CAMTA1: variants seen among roughly 807,000 people sequenced by gnomAD.
The protein encoded by CAMTA1 is calmodulin binding transcription activator 1, also known as calmodulin-binding transcription activator 1.
A neutral mutation model predicts 170.9 loss-of-function variants in CAMTA1; 27 were observed. The ratio of observed to expected loss-of-function variants is 0.16; its 90% CI spans 0.12 to 0.22. The LOEUF (loss-of-function observed/expected upper bound fraction) is 0.22. Among genes scored for constraint, CAMTA1 ranks in the 10% least tolerant of loss-of-function variants. The probability of loss-of-function intolerance (pLI) is 1.00; values close to 1 mark genes in which losing one functional copy is unlikely to be tolerated. For missense variants in CAMTA1, 1,619 were observed against 2,217.2 expected (o/e 0.73, Z 5.42); for synonymous variants, 833 against 891.5 (o/e 0.93, Z 1.17).
At chr1:7,009,048 C>T (rs2100747431) in intron 3 of CAMTA1, among the ~76,000 whole-genome samples, 2 of 152,360 alleles carry the variant, frequency 1.3e-5, no homozygotes, top group Middle Eastern at 3.4e-3. Context: ...AGCGGCCATG[C>T]CCAGCCATGC....
intron 6 of CAMTA1, among the ~76,000 whole-genome samples, chr1:7,487,771 C>T (rs1051170484): frequency 6.6e-6 from 1 of 152,228 alleles, no homozygotes; most frequent in Non-Finnish European, 1.5e-5. Flanking sequence ...GCATTCTTAT[C>T]GCCCCCCAGA....
At chr1:6,916,788 G>A (rs145546618) in intron 3 of CAMTA1, among the ~76,000 whole-genome samples, 2 of 152,300 alleles carry the variant, frequency 1.3e-5, no homozygotes, top group Non-Finnish European at 2.9e-5. Flanking sequence ...TTCACCCATT[G>A]AGCAGATAGA....
intron 6 of CAMTA1, among the ~76,000 whole-genome samples, chr1:7,481,958 T>C (rs2149634456): frequency 6.6e-6 from 1 of 152,202 alleles, no homozygotes; most frequent in South Asian, 2.1e-4. Flanking sequence ...CCCCAGAAAG[T>C]ACCCATGTGT....
At chr1:7,717,908 C>A (rs558364608) in intron 11 of CAMTA1, among the ~76,000 whole-genome samples, 2 of 152,020 alleles carry the variant, frequency 1.3e-5, no homozygotes, top group Non-Finnish European at 2.9e-5. Flanking sequence ...TGTGTATTTC[C>A]GATAGTTGAA....
At chr1:7,646,034 GCAGGTGAAGGCCC>G (rs1253261968) in intron 7 of CAMTA1, among the ~76,000 whole-genome samples, 77 of 152,172 alleles carry the variant, frequency 5.1e-4, no homozygotes, top group African/African-American at 1.8e-3. Flanking sequence ...CATAGTGAGT[GCAGGTGAAGGCCC>G]TGGTGAGTTT....
chr1:7,012,585 G>A (rs1383007735), intron 3 of CAMTA1, among the ~76,000 whole-genome samples: 5 of 152,192 alleles, frequency 3.3e-5, no homozygotes, highest in African/African-American at 9.6e-5. Context: ...CCACAGGGCT[G>A]AGTGCTGTGG....
chr1:7,711,892 A>G (rs979996132), intron 11 of CAMTA1, among the ~76,000 whole-genome samples: 7 of 152,218 alleles, frequency 4.6e-5, no homozygotes, highest in Admixed American at 4.6e-4. Context: ...AAAACAGTGC[A>G]ATAAATGGCA....
chr1:7,178,042 C>T (rs1651326283), intron 4 of CAMTA1, among the ~76,000 whole-genome samples: 1 of 152,136 alleles, frequency 6.6e-6, no homozygotes, highest in African/African-American at 2.4e-5. Context: ...TCATTCAATA[C>T]ATCAAAGTCC....
At chr1:6,937,393 A>G (rs1402729874) in intron 3 of CAMTA1, among the ~76,000 whole-genome samples, 1 of 2,596 alleles carries the variant, frequency 3.9e-4, no homozygotes, top group Admixed American at 2.8e-3. Context: ...TACCACCACT[A>G]TCATCACCAT....
intron 3 of CAMTA1, among the ~76,000 whole-genome samples, chr1:6,858,097 GAAGA>G (rs894556131): frequency 6.6e-6 from 1 of 152,240 alleles, no homozygotes; most frequent in Non-Finnish European, 1.5e-5. Context: ...GTGGGATACT[GAAGA>G]AAGAAAGATA....
chr1:7,617,594 C>T (rs983715392), intron 6 of CAMTA1, among the ~76,000 whole-genome samples: 3 of 152,108 alleles, frequency 2.0e-5, no homozygotes, highest in Non-Finnish European at 4.4e-5. Context: ...AGCCCCTTTC[C>T]CTGCTAAGCA....
At chr1:7,498,047 A>G (rs2093859538) in intron 6 of CAMTA1, among the ~76,000 whole-genome samples, 1 of 151,232 alleles carries the variant, frequency 6.6e-6, no homozygotes. Flanking sequence ...GAGAGTCCTT[A>G]TGGAAAGAGG....
chr1:7,100,437 C>G (rs1330445617), intron 4 of CAMTA1, among the ~76,000 whole-genome samples: 1 of 152,170 alleles, frequency 6.6e-6, no homozygotes, highest in African/African-American at 2.4e-5. Flanking sequence ...CCCTTGTTTT[C>G]TCATTCTTCC....
intron 6 of CAMTA1, among the ~76,000 whole-genome samples, chr1:7,595,162 C>T (rs796826172): frequency 7.9e-5 from 12 of 152,248 alleles, no homozygotes; most frequent in East Asian, 5.8e-4. Flanking sequence ...CAAAGGGGTG[C>T]GGTGCGCACT....
In CAMTA1 at chr1:7,300,698, A is replaced by G. The variant is rs1046771166; in HGVS notation, c.438+51072A>G. Among the ~76,000 whole-genome samples, 4 of 152,130 alleles carry G rather than the reference A, an allele frequency of 2.6e-5. No individual in the cohort carries two copies. Among genetic ancestry groups the G allele is most frequent in the African/African-American group, 9.7e-5 (4 of 41,420 alleles). On this transcript the variant is annotated intron_variant, in intron 5 of 22. Coordinates refer to ENST00000303635, the MANE Select transcript of CAMTA1 (RefSeq NM_015215.4). The surrounding 1 kb of genome is among the most constrained non-coding windows in gnomAD (Gnocchi z 4.1). ...TGTCTCAAAAAAAAAAAAATTGTATAGATATTGATTAAAGCAGAACCCTGA... is the reference window on the plus strand; with the variant it reads ...TGTCTCAAAAAAAAAAAAATTGTATGGATATTGATTAAAGCAGAACCCTGA...
At chr1:7,193,847 A>T (rs1312718738) in intron 4 of CAMTA1, among the ~76,000 whole-genome samples, 1 of 152,192 alleles carries the variant, frequency 6.6e-6, no homozygotes, top group Non-Finnish European at 1.5e-5. Context: ...ATTTTACAGA[A>T]GAGGCTGACG....
intron 5 of CAMTA1, among the ~76,000 whole-genome samples, chr1:7,344,509 G>A (rs911693007): frequency 2.0e-5 from 3 of 152,184 alleles, no homozygotes; most frequent in Non-Finnish European, 2.9e-5. Flanking sequence ...ATTTTTACAA[G>A]TTAACTCAAG....
intron 5 of CAMTA1, among the ~76,000 whole-genome samples, chr1:7,297,894 G>T (rs904346582): frequency 6.6e-6 from 1 of 152,132 alleles, no homozygotes; most frequent in Non-Finnish European, 1.5e-5. Flanking sequence ...ACAGCAGGAG[G>T]GCAAATCCAA....
At chr1:7,217,195 A>T (rs1659891888) in intron 4 of CAMTA1, among the ~76,000 whole-genome samples, 1 of 152,020 alleles carries the variant, frequency 6.6e-6, no homozygotes, top group Non-Finnish European at 1.5e-5. Flanking sequence ...ACGAGATCTG[A>T]TCGTTTTATA....
Sources: allele counts gnomAD v4.1 joint callset (sites outside exome capture counted in the v4.1 genomes callset), GRCh38; gene constraint gnomAD v4.1.1; non-coding constraint Gnocchi (gnomAD v3.1); transcripts MANE v1.5; gene names NCBI Gene and HGNC (gene_info 2026-07-23, HGNC 2026-07-21).